The following CD247 variants were observed in gnomAD, a reference collection of about 807,000 sequenced individuals.
The protein encoded by CD247 is CD247 molecule.
CD247 carries 13 observed loss-of-function variants against 30.0 expected under a neutral mutation model. That is an observed-to-expected ratio of 0.43 (90% confidence interval 0.28 to 0.69). The LOEUF (loss-of-function observed/expected upper bound fraction) is 0.69. CD247 is among the 30% of genes least tolerant of loss of function. The probability of loss-of-function intolerance (pLI) is 0.16; values close to 1 mark genes in which losing one functional copy is unlikely to be tolerated. For synonymous variants in CD247, 72 were observed against 80.0 expected (o/e 0.90, Z 0.53); for missense variants, 193 against 212.6 (o/e 0.91, Z 0.57).
chr1:167,504,369 G>A (rs377625511), intron 1 of CD247, among the ~76,000 whole-genome samples: 4 of 152,210 alleles, frequency 2.6e-5, no homozygotes, highest in Admixed American at 6.5e-5. Flanking sequence ...TAATGCAGCC[G>A]CTGACATACA....
intron 1 of CD247, among the ~76,000 whole-genome samples, chr1:167,456,402 A>G (rs374205312): frequency 5.9e-5 from 9 of 152,316 alleles, no homozygotes; most frequent in Admixed American, 2.6e-4. Flanking sequence ...GTGGCATGAC[A>G]AAGTACTTAA....
chr1:167,458,044 T>C (rs1358526414), intron 1 of CD247, among the ~76,000 whole-genome samples: 1 of 152,248 alleles, frequency 6.6e-6, no homozygotes, highest in African/African-American at 2.4e-5. Flanking sequence ...TATGGGAGCC[T>C]ACACCAGTGC....
At position 167,501,078 on chromosome 1, in the gene CD247, G is replaced by T. The variant is rs561008388; in HGVS notation, c.58+17330C>A. On this transcript the variant is annotated intron_variant, in intron 1 of 7. Coordinates refer to ENST00000362089, the MANE Select transcript of CD247 (RefSeq NM_198053.3). ...CTTTTTTTTTTTTTTTTTTTTGACC[G>T]AGTTTTGCACTTGTTGCCCAGGCTG... 8.4e-5 allele frequency among the ~76,000 whole-genome samples: 11 copies of T among 131,710 alleles called. No individual in the cohort carries two copies. In the South Asian group the frequency reaches 2.4e-3, roughly 28 times the overall value. The allele number at this position is 131,710 out of a possible 152,430, so 86.4% of individuals were successfully genotyped here. A position where few individuals can be genotyped will look rare whatever the true frequency, so the allele number is the denominator to read the frequency against.
chr1:167,504,317 C>G (rs1001296982), intron 1 of CD247, among the ~76,000 whole-genome samples: 1 of 152,252 alleles, frequency 6.6e-6, no homozygotes, highest in Non-Finnish European at 1.5e-5. Context: ...CCAGGCATAT[C>G]CCTCTCCTCT....
chr1:167,487,073 C>CAA (rs768259910), intron 1 of CD247, among the ~76,000 whole-genome samples: 9 of 102,812 alleles, frequency 8.8e-5, no homozygotes, highest in Admixed American at 4.1e-4. Flanking sequence ...GACTCCATTT[C>CAA]AAAAAAAAAA....
intron 1 of CD247, among the ~76,000 whole-genome samples, chr1:167,470,444 G>A (rs1653460212): frequency 6.8e-6 from 1 of 147,836 alleles, no homozygotes; most frequent in African/African-American, 2.5e-5. Context: ...AAAACTGGGG[G>A]AAATATTTTT....
chr1:167,437,723 G>A (rs554706371), intron 4 of CD247, among the ~76,000 whole-genome samples: 1 of 152,286 alleles, frequency 6.6e-6, no homozygotes, highest in Admixed American at 6.5e-5. Context: ...GGAATGGGGG[G>A]AATGGGGAGA....
At chr1:167,469,777 G>T (rs192897568) in intron 1 of CD247, among the ~76,000 whole-genome samples, 15 of 152,114 alleles carry the variant, frequency 9.9e-5, no homozygotes, top group Non-Finnish European at 1.9e-4. Context: ...GGTCACTGGG[G>T]CACAGCCTCC....
At chr1:167,453,055 G>GATATATATTATATATATATATTATAT (rs1652444725) in intron 1 of CD247, among the ~76,000 whole-genome samples, 2 of 146,130 alleles carry the variant, frequency 1.4e-5, no homozygotes, top group African/African-American at 5.0e-5. Context: ...ATATATTATA[G>GATATATATTATATATATATATTATAT]ATATACAGAG....
intron 1 of CD247, among the ~76,000 whole-genome samples, chr1:167,486,740 C>A (rs1362671071): frequency 2.6e-5 from 4 of 152,232 alleles, no homozygotes; most frequent in Non-Finnish European, 4.4e-5. Context: ...CTTATGCGGG[C>A]CACTGCAAGC....
chr1:167,468,542 C>T (rs116312494), intron 1 of CD247, among the ~76,000 whole-genome samples: 2,190 of 152,288 alleles, frequency 0.014, 19 homozygotes, highest in Non-Finnish European at 0.024. Flanking sequence ...GAAGACTCCT[C>T]AAAGTGAGCC....
chr1:167,439,687 A>T, intron 2 of CD247: 1 of 501,656 alleles, frequency 2.0e-6, no homozygotes, highest in Non-Finnish European at 3.6e-6. Context: ...GCGCGTGCGC[A>T]GAGGTATAAG....
chr1:167,512,516 T>A (rs1038789926), intron 1 of CD247, among the ~76,000 whole-genome samples: 1 of 152,166 alleles, frequency 6.6e-6, no homozygotes, highest in Non-Finnish European at 1.5e-5. Flanking sequence ...ATAATTTATC[T>A]CACAGATGCT....
rs141976013 is a variant in CD247 at position 167,477,259 on chromosome 1, A to G, written c.59-36492T>C. On this transcript the variant is annotated intron_variant, in intron 1 of 7. Transcript: ENST00000362089. Reference sequence around the variant, plus strand: ...AATAGGAGCGGCTGGGCCAGGAGAAAGCAAAAGGGAGGAAGACGTTAAGAA... The same window carrying G: ...AATAGGAGCGGCTGGGCCAGGAGAAGGCAAAAGGGAGGAAGACGTTAAGAA... Among the ~76,000 whole-genome samples the G allele has an allele frequency of 5.7e-3, 867 of 152,352 alleles. 10 individuals carry two copies. Among genetic ancestry groups the G allele is most frequent in the African/African-American group, 0.02 (825 of 41,564 alleles).
At chr1:167,464,130 A>C (rs1653139393) in intron 1 of CD247, among the ~76,000 whole-genome samples, 1 of 152,154 alleles carries the variant, frequency 6.6e-6, no homozygotes. Flanking sequence ...GCTGGAAGTA[A>C]TTGTCTTTTC....
chr1:167,448,169 G>A (rs536332462), intron 1 of CD247, among the ~76,000 whole-genome samples: 1 of 152,186 alleles, frequency 6.6e-6, no homozygotes, highest in Non-Finnish European at 1.5e-5. Flanking sequence ...TTTGTTCTGG[G>A]CCAGGAACCA....
intron 1 of CD247, among the ~76,000 whole-genome samples, chr1:167,487,179 C>A (rs1357216807): frequency 7.6e-6 from 1 of 131,574 alleles, no homozygotes; most frequent in Non-Finnish European, 1.7e-5. Context: ...GAGTTCAAGA[C>A]CAGCCTGGCC....
chr1:167,448,313 T>G lies in CD247; in HGVS notation c.59-7546A>C, dbSNP rs969851870. Reference sequence around the variant, plus strand: ...AATCCAGGCACATCTGGATCCACAGTCCAGGTCTTAACCACCACTTGGTAC... The same window carrying G: ...AATCCAGGCACATCTGGATCCACAGGCCAGGTCTTAACCACCACTTGGTAC... On this transcript the variant is annotated intron_variant, in intron 1 of 7. Coordinates refer to ENST00000362089, the MANE Select transcript of CD247 (RefSeq NM_198053.3). The G allele has an allele frequency of 3.1e-6, 3 of 973,420 alleles. No homozygotes were observed. The African/African-American group carries it at 5.3e-5, about 17-fold the overall frequency. The allele number at this position is 973,420 out of a possible 1,614,324, so 60.3% of individuals were successfully genotyped here.
In CD247 at chr1:167,439,528, C is replaced by A. The variant is rs575890693; in HGVS notation, c.163-128G>T. 181 of 795,530 alleles carry A rather than the reference C, an allele frequency of 2.3e-4. No homozygotes were observed. The East Asian group carries it at 4.8e-3, about 21-fold the overall frequency. 49.3% of individuals were successfully genotyped at this position (795,530 alleles called of 1,614,324 possible). A position where few individuals can be genotyped will look rare whatever the true frequency, so the allele number is the denominator to read the frequency against. ...CTTGGCAACTAACAATGCTGCCCTG[C>A]CTCCTGGGGCTGAGCCCTTGCAGGG... On this transcript the variant is annotated intron_variant, in intron 2 of 7. Coordinates refer to ENST00000362089, the MANE Select transcript of CD247 (RefSeq NM_198053.3).
Sources: allele counts gnomAD v4.1 joint callset (sites outside exome capture counted in the v4.1 genomes callset), GRCh38; gene constraint gnomAD v4.1.1; transcripts MANE v1.5; gene names NCBI Gene and HGNC (gene_info 2026-07-23, HGNC 2026-07-21).